The following NLRP8 variants were observed in gnomAD, a reference collection of about 807,000 sequenced individuals.
NLRP8 encodes NLR family pyrin domain containing 8.
Under a neutral mutation model 88.7 loss-of-function variants are expected in NLRP8, and 86 were observed. That is an observed-to-expected ratio of 0.97 (90% CI 0.81 to 1.16). NLRP8 has a LOEUF of 1.16. Among genes scored for constraint, NLRP8 ranks in the 50% most tolerant of loss-of-function variants. The probability of loss-of-function intolerance (pLI) is 0.00; values close to 1 mark genes in which losing one functional copy is unlikely to be tolerated. For synonymous variants in NLRP8, 504 were observed against 494.6 expected (o/e 1.02, Z -0.25); for missense variants, 1,342 against 1,286.5 (o/e 1.04, Z -0.66).
chr19:55,979,756 A>G (rs1980497629), intron 9 of NLRP8, among the ~76,000 whole-genome samples, 192 bp downstream of exon 9: 1 of 152,112 alleles, frequency 6.6e-6, no homozygotes, highest in South Asian at 2.1e-4. Context: ...GTCTTCTACT[A>G]AAAAATAGAA....
intron 9 of NLRP8, among the ~76,000 whole-genome samples, chr19:55,986,444 T>A (rs1047566643): frequency 3.6e-5 from 2 of 55,080 alleles, no homozygotes; most frequent in Admixed American, 1.8e-4. Context: ...ACACATGCAC[T>A]CTCTCTCTCA....
intron 9 of NLRP8, 72 bp downstream of exon 9, chr19:55,979,636 G>A (rs1207565271): frequency 3.2e-6 from 5 of 1,546,522 alleles, no homozygotes; most frequent in Non-Finnish European, 4.4e-6. Context: ...GTGAGATGCT[G>A]GGCTGGGTGT....
At position 55,955,080 on chromosome 19, in the gene NLRP8, C is replaced by T. The variant is rs1184571673; in HGVS notation, c.1022C>T (p.Thr341Ile). 1 of 1,614,114 alleles carries T rather than the reference C, an allele frequency of 6.2e-7. No homozygotes were observed. The highest frequency in any genetic ancestry group is 8.5e-7 in the Non-Finnish European group (1 of 1,179,994). ...ATGATAAGATTTACCTCTTGGCAGA[C>T]ATGCAAGCCCTTGCTGAAATGTCCC... is the stretch of plus-strand genomic sequence containing the variant. The change falls in exon 3 of 10, where the codon ACA becomes ATA. Residue 341 changes from threonine (T) to isoleucine (I), a missense_variant. Thr to Ile is a moderately conservative substitution (Grantham distance 89). Coordinates refer to ENST00000291971, the MANE Select transcript of NLRP8 (RefSeq NM_176811.2).
intron 1 of NLRP8, among the ~76,000 whole-genome samples, chr19:55,951,646 T>C (rs1164440821): frequency 2.6e-5 from 4 of 152,242 alleles, no homozygotes. Flanking sequence ...GCATAGTATT[T>C]GCATAGAACC....
rs11666485 is a variant in NLRP8, at chr19:55,960,884, T to C, written c.2043-1183T>C. ...CCCCTTGACATACTTTTGGGTTGCT[T>C]TCAACTATTTCTCTTTTTTTTTTTT... On this transcript the variant is annotated intron_variant, in intron 3 of 9. Transcript: ENST00000291971. Among the ~76,000 whole-genome samples, 1,220 of 149,272 alleles carry C rather than the reference T, an allele frequency of 8.2e-3. 10 individuals are homozygous for C. The highest frequency in any genetic ancestry group is 0.024 in the Middle Eastern group (7 of 292).
intron 9 of NLRP8, among the ~76,000 whole-genome samples, chr19:55,980,765 G>A (rs1465707888): frequency 6.6e-6 from 1 of 152,136 alleles, no homozygotes. Context: ...GTCCCATCAC[G>A]TCTGCCTTGT....
At chr19:55,958,746 T>C (rs1291014747) in intron 3 of NLRP8, among the ~76,000 whole-genome samples, 1 of 152,220 alleles carries the variant, frequency 6.6e-6, no homozygotes, top group Non-Finnish European at 1.5e-5. Flanking sequence ...GATGGGGGTC[T>C]CACTTTGTTA....
chr19:55,970,660 C>A lies in NLRP8; in HGVS notation c.2498C>A (p.Ala833Glu). ...AAAAACTCCCTGGAGAACTGTGGGG[C>A]GTATTACCTGTCTGTGGCCCAGCTG... is the stretch of plus-strand genomic sequence containing the variant. Residue 833 changes from alanine to glutamate, a missense_variant, in exon 6 of 10, where the codon GCG becomes GAG. Coordinates refer to ENST00000291971, the MANE Select transcript of NLRP8 (RefSeq NM_176811.2). The A allele has an allele frequency of 6.2e-7, 1 of 1,613,996 alleles. No individual in the cohort carries two copies. Among genetic ancestry groups the A allele is most frequent in the East Asian group, 2.2e-5 (1 of 44,880 alleles).
intron 7 of NLRP8, among the ~76,000 whole-genome samples, chr19:55,975,764 G>A (rs1042504419): frequency 6.6e-6 from 1 of 152,164 alleles, no homozygotes; most frequent in Non-Finnish European, 1.5e-5. Flanking sequence ...GTGGTGTTAG[G>A]GTTGGGGTGG....
intron 1 of NLRP8, 60 bp downstream of exon 1, chr19:55,948,329 C>T: frequency 6.5e-7 from 1 of 1,535,092 alleles, no homozygotes; most frequent in Non-Finnish European, 8.9e-7. Context: ...AGCTAAACTA[C>T]TCTAGTCACC....
chr19:55,985,475 C>T (rs1980766442), intron 9 of NLRP8, among the ~76,000 whole-genome samples: 2 of 152,028 alleles, frequency 1.3e-5, no homozygotes, highest in South Asian at 2.1e-4. Flanking sequence ...GACAAGCTGA[C>T]ATTACAAAAG....
chr19:55,964,215 C>T (rs544675025), intron 4 of NLRP8, among the ~76,000 whole-genome samples: 2 of 152,330 alleles, frequency 1.3e-5, no homozygotes, highest in South Asian at 2.1e-4. Context: ...AGTTATTATT[C>T]GCTCCTGCTT....
chr19:55,960,375 C>T (rs372579508), intron 3 of NLRP8, among the ~76,000 whole-genome samples: 1 of 152,188 alleles, frequency 6.6e-6, no homozygotes, highest in African/African-American at 2.4e-5. Flanking sequence ...AATTCCAACA[C>T]ATTCCACAAA....
rs35767678 is a variant in NLRP8 at position 55,953,792 on chromosome 19, C to CTTTTTT, written c.443-687_443-682dup. ...ACAGGCGTAAGCCACTGTGCCTGGC[C>CTTTTTT]TTTTTTTTTTTTTTTTTTTTTTTTT... On this transcript the variant is annotated intron_variant, in intron 2 of 9. Transcript: ENST00000291971. Among the ~76,000 whole-genome samples, 58 of 55,244 alleles carry CTTTTTT rather than the reference C, an allele frequency of 1.0e-3. 8 individuals carry two copies. The highest frequency in any genetic ancestry group is 3.9e-3 in the African/African-American group (54 of 13,768). The allele number at this position is 55,244 out of a possible 152,430, so 36.2% of individuals were successfully genotyped here.
intron 3 of NLRP8, among the ~76,000 whole-genome samples, chr19:55,959,875 A>G (rs1457517999): frequency 1.3e-5 from 2 of 152,190 alleles, no homozygotes; most frequent in African/African-American, 4.8e-5. Context: ...TGAGTCCTGA[A>G]GACCTTCCTC....
chr19:55,960,736 C>T (rs975219488), intron 3 of NLRP8, among the ~76,000 whole-genome samples: 3 of 152,054 alleles, frequency 2.0e-5, no homozygotes, highest in South Asian at 2.1e-4. Flanking sequence ...GCAAAAATTA[C>T]GCTAGTGTAA....
intron 1 of NLRP8, among the ~76,000 whole-genome samples, chr19:55,951,269 T>C (rs1979083281): frequency 6.6e-6 from 1 of 152,136 alleles, no homozygotes; most frequent in South Asian, 2.1e-4. Flanking sequence ...ATCAACAATA[T>C]GTACTAAATA....
chr19:55,987,616 C>T (rs1485414307), intron 9 of NLRP8, among the ~76,000 whole-genome samples: 1 of 152,152 alleles, frequency 6.6e-6, no homozygotes, highest in Admixed American at 6.6e-5. Flanking sequence ...AGCAGCAAAT[C>T]ATTCAAAGCT....
In NLRP8 at chr19:55,966,533, T is replaced by G. The variant is rs553486152; in HGVS notation, c.2381+153T>G. Among the ~76,000 whole-genome samples the G allele has an allele frequency of 1.9e-3, 291 of 152,270 alleles. 1 individual carries two copies. The highest frequency in any genetic ancestry group is 6.8e-3 in the African/African-American group (282 of 41,562). ...AAAGTACAATTTGGGCCGGGCGCGG[T>G]GGCTCACGACTGTAATCCCAGCACT... On this transcript the variant is annotated intron_variant, in intron 5 of 9. Coordinates refer to ENST00000291971, the MANE Select transcript of NLRP8 (RefSeq NM_176811.2).
Sources: gnomAD v4.1 joint callset for allele counts (sites outside exome capture counted in the v4.1 genomes callset) on GRCh38, gnomAD v4.1.1 for gene constraint, MANE v1.5 for transcripts, NCBI Gene and HGNC (gene_info 2026-07-23, HGNC 2026-07-21) for gene names.